Variants in ENTPD1 observed in about 807,000 individuals in gnomAD.
The protein encoded by ENTPD1 is ATP diphosphohydrolase.
A neutral mutation model predicts 57.0 loss-of-function variants in ENTPD1; 33 were observed. The ratio of observed to expected loss-of-function variants is 0.58; its 90% CI spans 0.44 to 0.77. The LOEUF (loss-of-function observed/expected upper bound fraction) is 0.77, where lower values mean the gene tolerates loss of function less well. Ranked by LOEUF, ENTPD1 falls within the 30% of genes least tolerant of loss-of-function variation. The probability of loss-of-function intolerance (pLI) is 0.00; values close to 1 mark genes in which losing one functional copy is unlikely to be tolerated. For missense variants in ENTPD1, 501 were observed against 603.4 expected, an observed-to-expected ratio of 0.83 and a Z score of 1.78; for synonymous variants, 202 against 218.8, an observed-to-expected ratio of 0.92 and a Z score of 0.68.
intron 2 of ENTPD1, among the ~76,000 whole-genome samples, chr10:95,837,984 C>A (rs901927880): frequency 7.5e-6 from 1 of 133,144 alleles, no homozygotes; most frequent in South Asian, 2.5e-4. Context: ...ACACACACAC[C>A]ACACACCCAC....
chr10:95,816,324 A>G (rs2098329948), intron 1 of ENTPD1, among the ~76,000 whole-genome samples: 1 of 152,290 alleles, frequency 6.6e-6, no homozygotes, highest in Admixed American at 6.5e-5. Flanking sequence ...ACAGCGCAAC[A>G]TTTACATCAG....
chr10:95,762,647 A>G (rs183602452), intron 1 of ENTPD1, among the ~76,000 whole-genome samples: 2 of 152,302 alleles, frequency 1.3e-5, no homozygotes, highest in Admixed American at 6.5e-5. Context: ...TCCATTTCCA[A>G]TAAATGTCTT....
chr10:95,770,137 GAA>G (rs59046249), intron 1 of ENTPD1, among the ~76,000 whole-genome samples: 7 of 129,694 alleles, frequency 5.4e-5, no homozygotes, highest in Admixed American at 3.1e-4. Context: ...AGTGTAACTA[GAA>G]AAAAAAAAAA....
intron 1 of ENTPD1, among the ~76,000 whole-genome samples, chr10:95,790,373 G>A (rs1013500350): frequency 3.3e-5 from 5 of 152,288 alleles, no homozygotes; most frequent in Middle Eastern, 3.4e-3. Context: ...TTGGTCAACA[G>A]ACTATTAGTT....
intron 2 of ENTPD1, among the ~76,000 whole-genome samples, chr10:95,829,927 G>T (rs1168243514): frequency 1.3e-5 from 2 of 152,016 alleles, no homozygotes; most frequent in Non-Finnish European, 2.9e-5. Flanking sequence ...GTTATTATTA[G>T]AGTAGGTCTG....
At chr10:95,715,364 A>G (rs1172171348) in intron 1 of ENTPD1, among the ~76,000 whole-genome samples, 26 of 152,054 alleles carry the variant, frequency 1.7e-4, no homozygotes, top group Admixed American at 1.6e-3. Context: ...ATTTCATCTT[A>G]TATTCATATA....
At position 95,869,871 on chromosome 10, in the gene ENTPD1, T is replaced by G; in HGVS notation, c.*3488T>G. 1.3e-6 allele frequency: 1 copy of G among 792,784 alleles called. No homozygotes were observed. Among genetic ancestry groups the G allele is most frequent in the African/African-American group, 1.9e-5 (1 of 53,462 alleles). 49.1% of individuals were successfully genotyped at this position (792,784 alleles called of 1,614,324 possible). A position where few individuals can be genotyped will look rare whatever the true frequency, so the allele number is the denominator to read the frequency against. ...AAATTTTCAAAATATTTTGTGTCTA[T>G]TACATTTACAGCACATCTTAATTAG... On this transcript the variant is annotated 3_prime_UTR_variant, in exon 10 of 10. Transcript: ENST00000371205.
chr10:95,838,954 C>T (rs186356744), intron 2 of ENTPD1, among the ~76,000 whole-genome samples: 47 of 151,960 alleles, frequency 3.1e-4, no homozygotes, highest in Admixed American at 9.8e-4. Context: ...TCCCCCTACT[C>T]GTAAAGCTAA....
intron 1 of ENTPD1, among the ~76,000 whole-genome samples, chr10:95,784,102 C>CTTT (rs200561277): frequency 0.26 from 35,242 of 134,376 alleles, 5,126 homozygotes; most frequent in Admixed American, 0.37. Flanking sequence ...TTTGCTTGTT[C>CTTT]TTTTTTTTTT....
chr10:95,712,035 C>T (rs2097966109), intron 1 of ENTPD1: 1 of 1,613,202 alleles, frequency 6.2e-7, no homozygotes, highest in Non-Finnish European at 8.5e-7. Context: ...CTCTCTCCCT[C>T]TGTGGAATCT....
chr10:95,798,362 G>A (rs1451832841), intron 1 of ENTPD1, among the ~76,000 whole-genome samples: 2 of 152,108 alleles, frequency 1.3e-5, no homozygotes, highest in Non-Finnish European at 1.5e-5. Context: ...GTTAGAGAAA[G>A]TCAAGTAATA....
intron 1 of ENTPD1, among the ~76,000 whole-genome samples, chr10:95,821,378 T>C (rs2098350381): frequency 6.6e-6 from 1 of 152,246 alleles, no homozygotes; most frequent in Non-Finnish European, 1.5e-5. Context: ...TCTGCCATCA[T>C]TGAATGCCAT....
At chr10:95,767,731 TAAA>T (rs2098095453) in intron 1 of ENTPD1, among the ~76,000 whole-genome samples, 1 of 152,144 alleles carries the variant, frequency 6.6e-6, no homozygotes, top group Admixed American at 6.5e-5. Context: ...CAACTTCTCT[TAAA>T]TATAGCAATC....
At chr10:95,695,335 G>A in the ENTPD1 span, among the ~76,000 whole-genome samples, 4 of 152,110 alleles carry the variant, frequency 2.6e-5, no homozygotes, top group Non-Finnish European at 4.4e-5. Flanking sequence ...CTATGTCCAC[G>A]GTTCTGACAT....
intron 1 of ENTPD1, among the ~76,000 whole-genome samples, chr10:95,717,418 A>G (rs547252253): frequency 6.6e-6 from 1 of 150,692 alleles, no homozygotes; most frequent in South Asian, 2.1e-4. Context: ...AGGGGACCCA[A>G]AGGGGGTTGC....
In ENTPD1 at chr10:95,868,217, T is replaced by G; in HGVS notation, c.*1834T>G. 1 of 985,498 alleles carries G rather than the reference T, an allele frequency of 1.0e-6. No homozygotes were observed. The highest frequency in any genetic ancestry group is 1.2e-6 in the Non-Finnish European group (1 of 829,940). The allele number at this position is 985,498 out of a possible 1,614,324, so 61.0% of individuals were successfully genotyped here. A position where few individuals can be genotyped will look rare whatever the true frequency, so the allele number is the denominator to read the frequency against. ...AATGGCTGAGCCAAAGCCTACCATGTACCTAACCTTTATTTTCTTTCCCGA... is the reference window on the plus strand; with the variant it reads ...AATGGCTGAGCCAAAGCCTACCATGGACCTAACCTTTATTTTCTTTCCCGA... On this transcript the variant is annotated 3_prime_UTR_variant, in exon 10 of 10. Coordinates refer to ENST00000371205, the MANE Select transcript of ENTPD1 (RefSeq NM_001776.6).
intron 7 of ENTPD1, among the ~76,000 whole-genome samples, chr10:95,858,021 G>A (rs569514343): frequency 5.5e-4 from 84 of 152,252 alleles, no homozygotes; most frequent in African/African-American, 1.9e-3. Flanking sequence ...AGCCGGGCGT[G>A]GTGGCAGGCG....
At chr10:95,767,319 A>C (rs1221147877) in intron 1 of ENTPD1, among the ~76,000 whole-genome samples, 1 of 143,394 alleles carries the variant, frequency 7.0e-6, no homozygotes, top group African/African-American at 2.5e-5. Context: ...CATCTCAAAA[A>C]AAAAAAAAAA....
At chr10:95,712,106 T>C (rs1299597539) in intron 1 of ENTPD1, 1 of 1,501,640 alleles carries the variant, frequency 6.7e-7, no homozygotes, top group Admixed American at 1.9e-5. Flanking sequence ...CCTTGATTAA[T>C]GAGAAAAAAG....
Sources: gnomAD v4.1 joint callset for allele counts (sites outside exome capture counted in the v4.1 genomes callset) on GRCh38, gnomAD v4.1.1 for gene constraint, MANE v1.5 for transcripts, NCBI Gene and HGNC (gene_info 2026-07-23, HGNC 2026-07-21) for gene names.